The following IL1RAPL2 variants were observed in gnomAD, a reference collection of about 807,000 sequenced individuals.
IL1RAPL2 encodes the protein interleukin 1 receptor accessory protein like 2.
Under a neutral mutation model 44.1 loss-of-function variants are expected in IL1RAPL2, and 3 were observed. The ratio of observed to expected loss-of-function variants is 0.07; its 90% CI spans 0.03 to 0.18. IL1RAPL2 has a LOEUF of 0.18. IL1RAPL2 is among the 10% of genes least tolerant of loss of function. The probability of loss-of-function intolerance (pLI) is 1.00; values close to 1 mark genes in which losing one functional copy is unlikely to be tolerated. For missense variants in IL1RAPL2, 391 were observed against 496.4 expected (o/e 0.79, Z 2.02); for synonymous variants, 181 against 178.8 (o/e 1.01, Z -0.10).
chrX:105,524,968 T>C (rs1045402672), intron 6 of IL1RAPL2, among the ~76,000 whole-genome samples: 125 of 111,670 alleles, frequency 1.1e-3, no homozygotes, highest in African/African-American at 4.0e-3. Context: ...AAATATTAGC[T>C]GTAATAGTAT....
intron 2 of IL1RAPL2, among the ~76,000 whole-genome samples, chrX:104,974,213 A>T (rs2030291034): frequency 8.9e-6 from 1 of 111,985 alleles, no homozygotes; most frequent in South Asian, 3.7e-4. Context: ...TTTAATAGCT[A>T]TGTTTAGACC....
intron 5 of IL1RAPL2, chrX:105,405,551 T>C: frequency 1.8e-6 from 1 of 552,113 alleles, no homozygotes; most frequent in Middle Eastern, 5.5e-4. Context: ...CGAATCCGAG[T>C]GGGTGGAGGG....
intron 5 of IL1RAPL2, among the ~76,000 whole-genome samples, chrX:105,374,637 C>T (rs1371093016): frequency 9.0e-6 from 1 of 110,680 alleles, no homozygotes; most frequent in African/African-American, 3.3e-5. Context: ...TGGCTTTTGG[C>T]TTGGTTGTTG....
chrX:105,624,680 G>A (rs945247028), intron 6 of IL1RAPL2, among the ~76,000 whole-genome samples: 8 of 111,224 alleles, frequency 7.2e-5, no homozygotes, highest in African/African-American at 2.0e-4. Flanking sequence ...GCCACGTGCC[G>A]CCTTTTTTCT....
chrX:105,029,468 T>A (rs1408110224), intron 2 of IL1RAPL2, among the ~76,000 whole-genome samples: 3 of 93,794 alleles, frequency 3.2e-5, no homozygotes, highest in East Asian at 7.3e-4. Context: ...GTTCTCATTC[T>A]TCAATTCCCA....
chrX:105,647,881 T>G (rs1333158938), intron 6 of IL1RAPL2, among the ~76,000 whole-genome samples: 1 of 111,567 alleles, frequency 9.0e-6, no homozygotes, highest in Admixed American at 9.6e-5. Context: ...CCATGACATC[T>G]GCTTGTTAGT....
chrX:104,714,225 C>G (rs1375233978), intron 2 of IL1RAPL2, among the ~76,000 whole-genome samples: 1 of 111,017 alleles, frequency 9.0e-6, no homozygotes, highest in African/African-American at 3.3e-5. Flanking sequence ...CCAGCTTTTG[C>G]CCATTCAGTA....
At chrX:104,950,372 C>G (rs930121659) in intron 2 of IL1RAPL2, among the ~76,000 whole-genome samples, 1 of 112,622 alleles carries the variant, frequency 8.9e-6, no homozygotes, top group African/African-American at 3.2e-5. Context: ...CTCTTCAAAG[C>G]TGTCAGACAG....
At chrX:105,111,345 C>G (rs910742989) in intron 2 of IL1RAPL2, among the ~76,000 whole-genome samples, 5 of 111,594 alleles carry the variant, frequency 4.5e-5, no homozygotes, top group African/African-American at 1.6e-4. Context: ...TTGGAGAAGT[C>G]TAGGGTACAG....
intron 2 of IL1RAPL2, among the ~76,000 whole-genome samples, chrX:104,795,419 C>CTT (rs35021834): frequency 1.2e-3 from 126 of 102,072 alleles, no homozygotes; most frequent in African/African-American, 2.0e-3. Context: ...CTCTCCCTTC[C>CTT]TTTTTTTTTT....
intron 6 of IL1RAPL2, among the ~76,000 whole-genome samples, chrX:105,685,225 AGGCTTCAGAAGGTC>A (rs2037960186): frequency 8.9e-6 from 1 of 112,059 alleles, no homozygotes; most frequent in Non-Finnish European, 1.9e-5. Flanking sequence ...TGACAGAAGT[AGGCTTCAGAAGGTC>A]GGTAATAACA....
chrX:105,345,014 AC>A (rs1174499092), intron 5 of IL1RAPL2, among the ~76,000 whole-genome samples: 1 of 111,861 alleles, frequency 8.9e-6, no homozygotes, highest in East Asian at 2.8e-4. Context: ...GCTTCATTGA[AC>A]ATTGCAAAAT....
intron 2 of IL1RAPL2, among the ~76,000 whole-genome samples, chrX:104,893,369 C>G (rs914789638): frequency 2.7e-5 from 3 of 111,176 alleles, no homozygotes; most frequent in African/African-American, 9.8e-5. Context: ...TCTCATTGAT[C>G]TAATATTGAC....
chrX:105,053,495 G>T (rs1250428611), intron 2 of IL1RAPL2, among the ~76,000 whole-genome samples: 1 of 111,444 alleles, frequency 9.0e-6, no homozygotes, highest in African/African-American at 3.3e-5. Flanking sequence ...AGCCCACAGA[G>T]ATTACATAAC....
chrX:105,364,489 C>T (rs1926090443), intron 5 of IL1RAPL2, among the ~76,000 whole-genome samples: 1 of 110,787 alleles, frequency 9.0e-6, no homozygotes, highest in South Asian at 3.8e-4. Flanking sequence ...AGGGATTACA[C>T]TGAATCTTTA....
At chrX:105,029,408 C>T (rs1270380877) in intron 2 of IL1RAPL2, among the ~76,000 whole-genome samples, 2 of 68,232 alleles carry the variant, frequency 2.9e-5, no homozygotes. Flanking sequence ...CCCCTCCCCC[C>T]ACCCCACAAC....
At chrX:104,896,988 C>T (rs1432995988) in intron 2 of IL1RAPL2, among the ~76,000 whole-genome samples, 1 of 111,626 alleles carries the variant, frequency 9.0e-6, no homozygotes, top group African/African-American at 3.3e-5. Flanking sequence ...AAGGAAGAAA[C>T]TGGACACATC....
intron 2 of IL1RAPL2, among the ~76,000 whole-genome samples, chrX:104,784,756 T>C (rs1476474432): frequency 9.3e-6 from 1 of 107,616 alleles, no homozygotes; most frequent in Non-Finnish European, 1.9e-5. Flanking sequence ...TTTTATATCT[T>C]CTTTGACATC....
Position 104,569,425 on chromosome X carries a change from G to A in IL1RAPL2, c.-20+2374G>A, listed in dbSNP as rs1928102443. ...ATTTCCTGAGAAATAGTTCCTCAAT[G>A]TTGTAGAACATTCTTGTTTGCCAAT... On this transcript the variant is annotated intron_variant, in intron 1 of 10. Transcript: ENST00000372582. 5.4e-5 allele frequency among the ~76,000 whole-genome samples: 6 copies of A among 111,750 alleles called. No homozygotes were observed. In the South Asian group the frequency reaches 2.3e-3, roughly 42 times the overall value.
Sources: gnomAD v4.1 joint callset for allele counts (sites outside exome capture counted in the v4.1 genomes callset) on GRCh38, gnomAD v4.1.1 for gene constraint, MANE v1.5 for transcripts, NCBI Gene and HGNC (gene_info 2026-07-23, HGNC 2026-07-21) for gene names.